ADAMTSL1: variants seen among roughly 807,000 people sequenced by gnomAD.
ADAMTSL1 encodes the protein ADAMTS like 1.
In ADAMTSL1, 126 loss-of-function variants were observed where a neutral mutation model predicts 201.8. That is an observed-to-expected ratio of 0.62 (90% CI 0.54 to 0.72). The LOEUF (loss-of-function observed/expected upper bound fraction) is 0.72. Ranked by LOEUF, ADAMTSL1 falls within the 30% of genes least tolerant of loss-of-function variation. The pLI, the probability that ADAMTSL1 is intolerant of heterozygous loss-of-function variation, is 0.00. For missense variants in ADAMTSL1, 2,679 were observed against 2,277.8 expected, an observed-to-expected ratio of 1.18 and a Z score of -3.59; for synonymous variants, 1,121 against 903.4, an observed-to-expected ratio of 1.24 and a Z score of -4.32.
chr9:18,121,023 C>A (rs536789786), intron 1 of ADAMTSL1, among the ~76,000 whole-genome samples: 31 of 152,068 alleles, frequency 2.0e-4, no homozygotes, highest in African/African-American at 6.5e-4. Flanking sequence ...TTTCCCCTTA[C>A]AAGAAAATAG....
rs141854052 is a variant in ADAMTSL1, at chr9:18,538,593, A to T, written c.237+5301A>T. 5.6e-3 allele frequency among the ~76,000 whole-genome samples: 858 copies of T among 152,220 alleles called. 2 individuals are homozygous for T. The highest frequency in any genetic ancestry group is 0.01 in the Non-Finnish European group (706 of 68,002). On this transcript the variant is annotated intron_variant, in intron 3 of 28. Transcript: ENST00000380548. ...ATAGTGAAAAGATTCATAGCAAGGGATAAAGTAGAGTCAGAGCAAAGAGAG... is the reference window on the plus strand; with the variant it reads ...ATAGTGAAAAGATTCATAGCAAGGGTTAAAGTAGAGTCAGAGCAAAGAGAG...
chr9:18,350,649 G>T (rs1835925941), intron 2 of ADAMTSL1, among the ~76,000 whole-genome samples: 1 of 152,092 alleles, frequency 6.6e-6, no homozygotes, highest in Non-Finnish European at 1.5e-5. Context: ...GTTTCTTTTG[G>T]CGTTAATTAT....
chr9:18,294,285 G>C (rs1833386096), intron 2 of ADAMTSL1, among the ~76,000 whole-genome samples: 1 of 152,140 alleles, frequency 6.6e-6, no homozygotes, highest in African/African-American at 2.4e-5. Context: ...GAATTCTTCA[G>C]GTTTCCTCTA....
At chr9:18,845,509 A>G (rs1459985018) in intron 23 of ADAMTSL1, among the ~76,000 whole-genome samples, 1 of 152,232 alleles carries the variant, frequency 6.6e-6, no homozygotes, top group Non-Finnish European at 1.5e-5. Context: ...GGGCCTGCAC[A>G]TGTAGCAGCT....
intron 2 of ADAMTSL1, among the ~76,000 whole-genome samples, chr9:18,241,711 A>C (rs927195393): frequency 6.6e-6 from 1 of 152,156 alleles, no homozygotes; most frequent in African/African-American, 2.4e-5. Flanking sequence ...CCTTAGAAAT[A>C]AAAAAGGATC....
chr9:18,595,088 T>C (rs1029261084), intron 4 of ADAMTSL1, among the ~76,000 whole-genome samples: 9 of 152,140 alleles, frequency 5.9e-5, no homozygotes, highest in African/African-American at 1.4e-4. Context: ...GAAGTTGATG[T>C]GGCCATCTGT....
At chr9:17,944,227 G>C (rs1827360961) in intron 1 of ADAMTSL1, among the ~76,000 whole-genome samples, 1 of 152,090 alleles carries the variant, frequency 6.6e-6, no homozygotes, top group African/African-American at 2.4e-5. Context: ...GCTTCAAAGA[G>C]AATAAAATAC....
At chr9:18,778,879 A>G (rs941948441) in intron 19 of ADAMTSL1, among the ~76,000 whole-genome samples, 2 of 152,276 alleles carry the variant, frequency 1.3e-5, no homozygotes, top group African/African-American at 4.8e-5. Context: ...TCACGGAATC[A>G]TAGTCCTCTA....
chr9:18,547,050 A>G (rs1820510299), intron 3 of ADAMTSL1, among the ~76,000 whole-genome samples: 1 of 152,180 alleles, frequency 6.6e-6, no homozygotes, highest in Non-Finnish European at 1.5e-5. Flanking sequence ...TGTTTCTTAG[A>G]GCAAAATGAT....
intron 2 of ADAMTSL1, among the ~76,000 whole-genome samples, chr9:18,261,574 G>T (rs777727022): frequency 9.2e-5 from 14 of 152,126 alleles, no homozygotes; most frequent in Non-Finnish European, 1.9e-4. Flanking sequence ...TAAATATTTG[G>T]TTCTGGGGAG....
intron 4 of ADAMTSL1, among the ~76,000 whole-genome samples, chr9:18,595,340 A>G (rs1824194642): frequency 1.3e-5 from 2 of 152,184 alleles, no homozygotes; most frequent in Admixed American, 1.3e-4. Context: ...ATGGACATGC[A>G]TCACCCAGCA....
chr9:18,318,340 G>T (rs1414925809), intron 2 of ADAMTSL1, among the ~76,000 whole-genome samples: 2 of 152,136 alleles, frequency 1.3e-5, no homozygotes, highest in African/African-American at 2.4e-5. Flanking sequence ...TTTTCAAACT[G>T]TGGTCTGTGT....
intron 1 of ADAMTSL1, among the ~76,000 whole-genome samples, chr9:18,010,688 C>G (rs182666395): frequency 6.6e-6 from 1 of 152,058 alleles, no homozygotes; most frequent in East Asian, 2.0e-4. Flanking sequence ...GGGTGGAGAG[C>G]TAGCTAAGCC....
At chr9:18,151,978 G>A (rs1826936770) in intron 1 of ADAMTSL1, among the ~76,000 whole-genome samples, 2 of 152,016 alleles carry the variant, frequency 1.3e-5, no homozygotes, top group South Asian at 4.1e-4. Flanking sequence ...TGCTCTACTA[G>A]CTCATACTGT....
At position 18,616,454 on chromosome 9, in the gene ADAMTSL1, T is replaced by C. The variant is rs80016227; in HGVS notation, c.475-5789T>C. ...GGACATTGTTATATGACATTGTCTTTCAGAAGACTCACAATTAATGTGTAT... is the reference window on the plus strand; with the variant it reads ...GGACATTGTTATATGACATTGTCTTCCAGAAGACTCACAATTAATGTGTAT... On this transcript the variant is annotated intron_variant, in intron 4 of 28. Coordinates refer to ENST00000380548, the MANE Select transcript of ADAMTSL1 (RefSeq NM_001040272.6). Among the ~76,000 whole-genome samples the C allele has an allele frequency of 1.4e-3, 212 of 152,364 alleles. 1 individual carries two copies. The highest frequency in any genetic ancestry group is 4.7e-3 in the African/African-American group (196 of 41,588).
At chr9:18,032,779 A>G (rs1821025633) in intron 1 of ADAMTSL1, among the ~76,000 whole-genome samples, 1 of 152,176 alleles carries the variant, frequency 6.6e-6, no homozygotes. Context: ...TCTTGTGGCC[A>G]GAATCACAGA....
chr9:18,021,286 A>C (rs7849523), intron 1 of ADAMTSL1, among the ~76,000 whole-genome samples: 1 of 152,030 alleles, frequency 6.6e-6, no homozygotes, highest in African/African-American at 2.4e-5. Context: ...AACACTTCAT[A>C]TTTTCTTCTG....
chr9:18,099,348 TA>T (rs1563999652), intron 1 of ADAMTSL1, among the ~76,000 whole-genome samples: 21 of 49,806 alleles, frequency 4.2e-4, no homozygotes, highest in African/African-American at 1.3e-3. Flanking sequence ...TATATATATA[TA>T]TATATATTTT....
chr9:18,462,476 A>G (rs1820843341), intron 2 of ADAMTSL1, among the ~76,000 whole-genome samples: 1 of 152,204 alleles, frequency 6.6e-6, no homozygotes, highest in South Asian at 2.1e-4. Flanking sequence ...ACACAAACAA[A>G]TATAAATACA....
Sources: gnomAD v4.1 joint callset for allele counts (sites outside exome capture counted in the v4.1 genomes callset) on GRCh38, gnomAD v4.1.1 for gene constraint, MANE v1.5 for transcripts, NCBI Gene and HGNC (gene_info 2026-07-23, HGNC 2026-07-21) for gene names.